The following ZSCAN5A variants were observed in gnomAD, a reference collection of about 807,000 sequenced individuals.
ZSCAN5A encodes the protein zinc finger and SCAN domain containing 5A.
In ZSCAN5A, 12 loss-of-function variants were observed where a neutral mutation model predicts 23.7. The ratio of observed to expected loss-of-function variants is 0.51; its 90% confidence interval spans 0.32 to 0.82. ZSCAN5A has a LOEUF of 0.82. ZSCAN5A is among the 40% of genes least tolerant of loss of function. The probability of loss-of-function intolerance (pLI) is 0.03; values close to 1 mark genes in which losing one functional copy is unlikely to be tolerated. For missense variants in ZSCAN5A, 597 were observed against 617.9 expected, an observed-to-expected ratio of 0.97 and a Z score of 0.36; for synonymous variants, 257 against 239.9, an observed-to-expected ratio of 1.07 and a Z score of -0.66.
chr19:56,234,126 A>C (rs774763758), intron 2 of ZSCAN5A, among the ~76,000 whole-genome samples: 18 of 152,318 alleles, frequency 1.2e-4, no homozygotes, highest in Admixed American at 6.5e-4. Context: ...GTGGGATAGC[A>C]GCCAATTCGT....
At chr19:56,237,916 C>G (rs1461935864) in intron 2 of ZSCAN5A, among the ~76,000 whole-genome samples, 1 of 94,028 alleles carries the variant, frequency 1.1e-5, no homozygotes, top group Non-Finnish European at 2.3e-5. Flanking sequence ...GGTTCTGTCT[C>G]AAAAATAAAA....
intron 2 of ZSCAN5A, among the ~76,000 whole-genome samples, chr19:56,279,545 A>G (rs2038525077): frequency 6.6e-6 from 1 of 152,206 alleles, no homozygotes; most frequent in Admixed American, 6.5e-5. Flanking sequence ...CATGCAATTT[A>G]ATTTTCAAAA....
At chr19:56,323,937 T>C (rs1402770097) in intron 2 of ZSCAN5A, among the ~76,000 whole-genome samples, 1 of 152,076 alleles carries the variant, frequency 6.6e-6, no homozygotes, top group Admixed American at 6.6e-5. Context: ...ACCAGGACAA[T>C]TGGGACTCCA....
intron 1 of ZSCAN5A, among the ~76,000 whole-genome samples, chr19:56,366,146 G>C (rs766305970): frequency 1.3e-5 from 2 of 152,256 alleles, no homozygotes; most frequent in Non-Finnish European, 2.9e-5. Context: ...GGTTTTACTC[G>C]GAAGGACTTG....
intron 2 of ZSCAN5A, among the ~76,000 whole-genome samples, chr19:56,252,360 A>C (rs1460110099): frequency 6.6e-6 from 1 of 152,210 alleles, no homozygotes; most frequent in Non-Finnish European, 1.5e-5. Flanking sequence ...TACACCACCC[A>C]AAATTGAGTT....
rs569758808 is a variant in ZSCAN5A, at chr19:56,346,526, G to GA, written c.-358+16708dup. Reference sequence around the variant, plus strand: ...TGTGTTAGAAGCAAGTAAAACTCTAGAAAAAAAAAAAAGAAAAAAAGAACC... The same window carrying GA: ...TGTGTTAGAAGCAAGTAAAACTCTAGAAAAAAAAAAAAAGAAAAAAAGAACC... On this transcript the variant is annotated intron_variant, in intron 2 of 6. Transcript: ENST00000587340. Among the ~76,000 whole-genome samples the GA allele has an allele frequency of 2.7e-3, 306 of 115,254 alleles. 1 individual carries two copies. Among genetic ancestry groups the GA allele is most frequent in the African/African-American group, 4.5e-3 (138 of 30,884 alleles). 75.6% of individuals were successfully genotyped at this position (115,254 alleles called of 152,430 possible). A position where few individuals can be genotyped will look rare whatever the true frequency, so the allele number is the denominator to read the frequency against.
At position 56,290,791 on chromosome 19, in the gene ZSCAN5A, A is replaced by C. The variant is rs2039459560; in HGVS notation, c.-128+22492T>G. On this transcript the variant is annotated intron_variant, in intron 2 of 5. Coordinates refer to ENST00000683990, the MANE Select transcript of ZSCAN5A (RefSeq NM_001322064.3). ...TACTGCTGATTCTATTCTCTTGCTC[A>C]CTCTTCTCCACACTGACTCCCCGAA... Among the ~76,000 whole-genome samples the C allele has an allele frequency of 2.0e-5, 3 of 151,956 alleles. No individual in the cohort carries two copies. The South Asian group carries it at 6.2e-4, about 32-fold the overall frequency.
intron 2 of ZSCAN5A, among the ~76,000 whole-genome samples, chr19:56,332,201 T>G (rs907940889): frequency 2.6e-5 from 4 of 152,184 alleles, no homozygotes. Flanking sequence ...GTGTCAGATT[T>G]AAGTCCAGGT....
chr19:56,336,418 G>T (rs552381980), intron 2 of ZSCAN5A, among the ~76,000 whole-genome samples: 2 of 151,750 alleles, frequency 1.3e-5, no homozygotes, highest in Non-Finnish European at 2.9e-5. Flanking sequence ...TTCTCATGCC[G>T]TGGTTTTCAG....
In ZSCAN5A at chr19:56,351,521, T is replaced by C. The variant is rs1455860954; in HGVS notation, c.-358+11714A>G. ...CCTCCAGCCTCCAGATATAAGGGACTGTCTTTCTGTTGCGCACAGGGTCTA... is the reference window on the plus strand; with the variant it reads ...CCTCCAGCCTCCAGATATAAGGGACCGTCTTTCTGTTGCGCACAGGGTCTA... On this transcript the variant is annotated intron_variant, in intron 2 of 6. Transcript: ENST00000587340. This position sits in a 1 kb window ranked among gnomAD's most constrained non-coding sequence, Gnocchi z 4.8. 6.6e-6 allele frequency among the ~76,000 whole-genome samples: 1 copy of C among 152,156 alleles called. No homozygotes were observed. The highest frequency in any genetic ancestry group is 2.4e-5 in the African/African-American group (1 of 41,434).
In ZSCAN5A at chr19:56,355,443, T is replaced by C. The variant is rs1162025776; in HGVS notation, c.-358+7792A>G. Among the ~76,000 whole-genome samples, 3 of 148,816 alleles carry C rather than the reference T, an allele frequency of 2.0e-5. 1 individual carries two copies. Among genetic ancestry groups the C allele is most frequent in the African/African-American group, 7.6e-5 (3 of 39,504 alleles). Reference sequence around the variant, plus strand: ...TTATTTTACTGTATACTCCATGATTTTGAAGATCATGTCAATTTTTTTCCC... The same window carrying C: ...TTATTTTACTGTATACTCCATGATTCTGAAGATCATGTCAATTTTTTTCCC... On this transcript the variant is annotated intron_variant, in intron 2 of 6. Coordinates refer to the ZSCAN5A transcript ENST00000587340.
At chr19:56,228,101 C>T (rs1417011980) in intron 2 of ZSCAN5A, among the ~76,000 whole-genome samples, 1 of 152,074 alleles carries the variant, frequency 6.6e-6, no homozygotes, top group Non-Finnish European at 1.5e-5. Context: ...CGTTACATAA[C>T]GAGTCAGAGT....
Position 56,331,364 on chromosome 19 carries a change from G to A in ZSCAN5A, c.-357-15096C>T, listed in dbSNP as rs181882895. 2.4e-4 allele frequency among the ~76,000 whole-genome samples: 37 copies of A among 152,104 alleles called. No homozygotes were observed. The East Asian group carries it at 5.8e-3, about 24-fold the overall frequency. On this transcript the variant is annotated intron_variant, in intron 2 of 6. Coordinates refer to the ZSCAN5A transcript ENST00000587340. ...ATGTTAGTAGCTTGATAGGATTGGCGTTGAATATGTAATTGCTTTGAGCAG... is the reference window on the plus strand; with the variant it reads ...ATGTTAGTAGCTTGATAGGATTGGCATTGAATATGTAATTGCTTTGAGCAG...
chr19:56,323,759 C>T (rs2041405692), intron 2 of ZSCAN5A, among the ~76,000 whole-genome samples: 1 of 151,884 alleles, frequency 6.6e-6, no homozygotes, highest in African/African-American at 2.4e-5. Context: ...TGGTCTCAAA[C>T]TCCTGACCTC....
chr19:56,362,853 A>G (rs932758177), intron 2 of ZSCAN5A, among the ~76,000 whole-genome samples: 3 of 151,396 alleles, frequency 2.0e-5, no homozygotes, highest in African/African-American at 7.3e-5. Context: ...CCTGGGCGAC[A>G]GAGTGAGACT....
Position 56,352,277 on chromosome 19 carries a change from T to C in ZSCAN5A, c.-358+10958A>G, listed in dbSNP as rs1045486269. On this transcript the variant is annotated intron_variant, in intron 2 of 6. Transcript: ENST00000587340. This position sits in a 1 kb window ranked among gnomAD's most constrained non-coding sequence, Gnocchi z 4.2. Reference sequence around the variant, plus strand: ...TAGTGTGGTGTTTTAACAAAGCTTCTACTCAGAGAGACGGATTAAACCAGA... The same window carrying C: ...TAGTGTGGTGTTTTAACAAAGCTTCCACTCAGAGAGACGGATTAAACCAGA... Among the ~76,000 whole-genome samples the C allele has an allele frequency of 6.6e-6, 1 of 152,128 alleles. No individual in the cohort carries two copies. Among genetic ancestry groups the C allele is most frequent in the African/African-American group, 2.4e-5 (1 of 41,418 alleles).
At chr19:56,305,084 A>G (rs961529958) in intron 2 of ZSCAN5A, among the ~76,000 whole-genome samples, 1 of 152,182 alleles carries the variant, frequency 6.6e-6, no homozygotes, top group Non-Finnish European at 1.5e-5. Flanking sequence ...AATTCACTCT[A>G]TAATTTTTTC....
intron 2 of ZSCAN5A, among the ~76,000 whole-genome samples, chr19:56,333,502 G>A (rs11671946): frequency 0.096 from 14,631 of 151,652 alleles, 1,233 homozygotes; most frequent in African/African-American, 0.23. Flanking sequence ...AGCTCTGACT[G>A]ATTTCTTTTT....
At chr19:56,236,948 A>G (rs949039244) in intron 2 of ZSCAN5A, among the ~76,000 whole-genome samples, 2 of 152,032 alleles carry the variant, frequency 1.3e-5, no homozygotes, top group African/African-American at 4.8e-5. Flanking sequence ...CCAGCCTCTG[A>G]CGGACGGTGG....
Sources: gnomAD v4.1 joint callset for allele counts (sites outside exome capture counted in the v4.1 genomes callset) on GRCh38, gnomAD v4.1.1 for gene constraint, Gnocchi (gnomAD v3.1) non-coding constraint, MANE v1.5 for transcripts, NCBI Gene and HGNC (gene_info 2026-07-23, HGNC 2026-07-21) for gene names.